CA10: variants seen among roughly 807,000 people sequenced by gnomAD.
CA10 encodes the protein carbonic anhydrase 10 (inactive), also known as carbonic anhydrase-related protein 10.
A neutral mutation model predicts 44.2 loss-of-function variants in CA10; 14 were observed. That is an observed-to-expected ratio of 0.32 (90% CI 0.21 to 0.50). The LOEUF is 0.50. Ranked by LOEUF, CA10 falls within the 20% of genes least tolerant of loss-of-function variation. The pLI is 0.99. For synonymous variants in CA10, 159 were observed against 141.6 expected (o/e 1.12, Z -0.87); for missense variants, 350 against 409.7 (o/e 0.85, Z 1.26).
chr17:51,959,282 C>CTGTGTGTG (rs71149386), intron 2 of CA10, among the ~76,000 whole-genome samples: 47 of 134,434 alleles, frequency 3.5e-4, no homozygotes, highest in East Asian at 2.4e-3. Flanking sequence ...CTCTCTCTCT[C>CTGTGTGTG]TGTGTGTGTG....
intron 2 of CA10, among the ~76,000 whole-genome samples, chr17:51,942,327 G>A (rs1283442048): frequency 3.3e-5 from 5 of 151,980 alleles, no homozygotes; most frequent in South Asian, 4.2e-4. Context: ...AAGATGGAAC[G>A]AAACCACATA....
intron 4 of CA10, among the ~76,000 whole-genome samples, chr17:51,690,178 C>T (rs1315043801): frequency 6.6e-6 from 1 of 152,170 alleles, no homozygotes; most frequent in African/African-American, 2.4e-5. Context: ...GAACTCCTGA[C>T]CTCAGGTGAT....
chr17:51,744,400 T>A (rs1236837383), intron 4 of CA10, among the ~76,000 whole-genome samples: 1 of 152,042 alleles, frequency 6.6e-6, no homozygotes, highest in Non-Finnish European at 1.5e-5. Flanking sequence ...CTCATTCGAA[T>A]GTGAGTCACC....
chr17:51,986,135 C>T (rs1274814818), intron 2 of CA10, among the ~76,000 whole-genome samples: 1 of 152,024 alleles, frequency 6.6e-6, no homozygotes, highest in Non-Finnish European at 1.5e-5. Flanking sequence ...AACAAAACAA[C>T]ATGGTACTGA....
intron 2 of CA10, among the ~76,000 whole-genome samples, chr17:51,935,293 A>G (rs951168616): frequency 1.1e-4 from 16 of 152,110 alleles, no homozygotes; most frequent in African/African-American, 3.9e-4. Flanking sequence ...CAGATGTTTA[A>G]ACTTTTATTT....
rs371605645 is a variant in CA10, at chr17:51,782,213, C to G, written c.280-34395G>C. Among the ~76,000 whole-genome samples the G allele has an allele frequency of 2.2e-3, 335 of 152,360 alleles. 3 individuals are homozygous for G. In the South Asian group the frequency reaches 0.027, roughly 12 times the overall value. On this transcript the variant is annotated intron_variant, in intron 3 of 8. Coordinates refer to ENST00000451037, the MANE Select transcript of CA10 (RefSeq NM_020178.5). ...AATACTCCAAAGAATGTACTACTAA[C>G]TTGTTCTCACCTTTGGGAATCACCA...
chr17:51,887,789 A>G (rs1980674316), intron 3 of CA10, among the ~76,000 whole-genome samples: 1 of 151,690 alleles, frequency 6.6e-6, no homozygotes, highest in South Asian at 2.1e-4. Context: ...CAGCAGTTCA[A>G]GACCAGCCTG....
chr17:51,754,908 G>A (rs537378665), intron 3 of CA10, among the ~76,000 whole-genome samples: 9 of 151,864 alleles, frequency 5.9e-5, no homozygotes, highest in Admixed American at 4.6e-4. Flanking sequence ...ACAAATATGC[G>A]TGTGTGTATA....
In CA10 at chr17:52,128,597, A is replaced by G. The variant is rs1370501218; in HGVS notation, c.61+29129T>C. On this transcript the variant is annotated intron_variant, in intron 1 of 8. Transcript: ENST00000451037. The stretch of plus-strand genomic sequence containing the variant: ...TTTCTTTATGGCCCATTCTCACACG[A>G]CACCACTGATGCAGGATCTGATGTC... Among the ~76,000 whole-genome samples, 93 of 152,086 alleles carry G rather than the reference A, an allele frequency of 6.1e-4. 1 individual carries two copies. Among genetic ancestry groups the G allele is most frequent in the Admixed American group, 6.0e-3 (92 of 15,268 alleles).
chr17:51,867,132 G>C (rs900433051), intron 3 of CA10, among the ~76,000 whole-genome samples: 3 of 152,092 alleles, frequency 2.0e-5, no homozygotes, highest in Non-Finnish European at 2.9e-5. Flanking sequence ...AGTAAGAAAT[G>C]AGGCCACATG....
intron 4 of CA10, among the ~76,000 whole-genome samples, chr17:51,726,537 G>T (rs1001148180): frequency 3.3e-5 from 5 of 152,046 alleles, no homozygotes; most frequent in Admixed American, 2.6e-4. Context: ...TTCAAAACAT[G>T]TTATACACCA....
intron 2 of CA10, among the ~76,000 whole-genome samples, chr17:52,039,067 T>G (rs1354191968): frequency 1.3e-5 from 2 of 152,178 alleles, no homozygotes; most frequent in African/African-American, 4.8e-5. Context: ...AATTATTTAC[T>G]CTTCTGAAAT....
intron 4 of CA10, among the ~76,000 whole-genome samples, chr17:51,702,839 T>A (rs1223531868): frequency 2.0e-5 from 3 of 152,210 alleles, no homozygotes; most frequent in Non-Finnish European, 4.4e-5. Flanking sequence ...CCAGTTCCTA[T>A]AACCTCTCCT....
chr17:51,673,902 T>A (rs1041636023), intron 4 of CA10, among the ~76,000 whole-genome samples: 3 of 152,340 alleles, frequency 2.0e-5, no homozygotes, highest in Middle Eastern at 6.8e-3. Context: ...GCCAAGCCAC[T>A]GCATGGACCT....
At chr17:51,978,159 C>T (rs1338471554) in intron 2 of CA10, among the ~76,000 whole-genome samples, 1 of 151,920 alleles carries the variant, frequency 6.6e-6, no homozygotes, top group African/African-American at 2.4e-5. Flanking sequence ...GTATTTTTAA[C>T]AGAAACAAAT....
At chr17:51,893,137 A>G (rs1392335387) in intron 3 of CA10, among the ~76,000 whole-genome samples, 2 of 152,190 alleles carry the variant, frequency 1.3e-5, no homozygotes, top group African/African-American at 4.8e-5. Flanking sequence ...AGATAAAAAG[A>G]CTATAATCAA....
At chr17:51,751,119 A>G (rs578149044) in intron 3 of CA10, among the ~76,000 whole-genome samples, 14 of 152,344 alleles carry the variant, frequency 9.2e-5, no homozygotes, top group African/African-American at 2.9e-4. Context: ...AAAAGCTATA[A>G]GGCATATTGA....
At position 52,103,910 on chromosome 17, in the gene CA10, T is replaced by A. The variant is rs188626950; in HGVS notation, c.62-31517A>T. Reference sequence around the variant, plus strand: ...ATGTTTCCACATGGGCAGACTGATATAGTGAAGCAAGCTCGGGCTTTGGAG... The same window carrying A: ...ATGTTTCCACATGGGCAGACTGATAAAGTGAAGCAAGCTCGGGCTTTGGAG... On this transcript the variant is annotated intron_variant, in intron 1 of 8. Coordinates refer to ENST00000451037, the MANE Select transcript of CA10 (RefSeq NM_020178.5). Among the ~76,000 whole-genome samples, 291 of 152,290 alleles carry A rather than the reference T, an allele frequency of 1.9e-3. 1 individual carries two copies. The highest frequency in any genetic ancestry group is 6.6e-3 in the African/African-American group (276 of 41,580).
intron 1 of CA10, among the ~76,000 whole-genome samples, chr17:52,082,732 C>T (rs1988016326): frequency 6.6e-6 from 1 of 152,164 alleles, no homozygotes; most frequent in African/African-American, 2.4e-5. Flanking sequence ...AGGATAACTA[C>T]ATAATAAAAT....
Sources: gnomAD v4.1 joint callset for allele counts (sites outside exome capture counted in the v4.1 genomes callset) on GRCh38, gnomAD v4.1.1 for gene constraint, MANE v1.5 for transcripts, NCBI Gene and HGNC (gene_info 2026-07-23, HGNC 2026-07-21) for gene names.